Variants in ACACB observed in about 807,000 individuals in gnomAD.
ACACB encodes the protein acetyl-CoA carboxylase beta.
ACACB carries 209 observed loss-of-function variants against 278.8 expected under a neutral mutation model. The observed-to-expected ratio is 0.75, with a 90% CI of 0.67 to 0.84. The LOEUF (loss-of-function observed/expected upper bound fraction) is 0.84. Ranked by LOEUF, ACACB falls within the 40% of genes least tolerant of loss-of-function variation. The pLI, the probability that ACACB is intolerant of heterozygous loss-of-function variation, is 0.00. For synonymous variants in ACACB, 1,174 were observed against 1,285.6 expected (o/e 0.91, Z 1.86); for missense variants, 2,850 against 3,269.0 (o/e 0.87, Z 3.13).
In ACACB at chr12:109,156,659, T is replaced by G. The variant is rs570370490; in HGVS notation, c.654-10202T>G. ...AGGAATACCCCTGTAGCTGAATCTC[T>G]GCCTCCATCCTTTATTTTCTTAGGA... On this transcript the variant is annotated intron_variant, in intron 2 of 52. Coordinates refer to ENST00000338432, the MANE Select transcript of ACACB (RefSeq NM_001093.4). Among the ~76,000 whole-genome samples, 32 of 151,360 alleles carry G rather than the reference T, an allele frequency of 2.1e-4. 1 individual carries two copies. The South Asian group carries it at 6.7e-3, about 32-fold the overall frequency.
chr12:109,256,839 T>C (rs1565979303), intron 45 of ACACB, among the ~76,000 whole-genome samples: 1 of 152,318 alleles, frequency 6.6e-6, no homozygotes, highest in East Asian at 1.9e-4. Flanking sequence ...GTCCTTCACA[T>C]CTGTAAAATA....
chr12:109,194,692 G>A (rs2136299748), intron 16 of ACACB, among the ~76,000 whole-genome samples: 1 of 151,190 alleles, frequency 6.6e-6, no homozygotes, highest in Middle Eastern at 3.4e-3. Context: ...CTCTTCTCTT[G>A]TAAGAACACC....
intron 47 of ACACB, 97 bp from the exon 48 acceptor site, chr12:109,260,383 G>C: frequency 6.8e-7 from 1 of 1,463,762 alleles, no homozygotes; most frequent in Non-Finnish European, 9.5e-7. Flanking sequence ...CCTCTCAGCT[G>C]GGCTCACTCT....
intron 1 of ACACB, among the ~76,000 whole-genome samples, chr12:109,118,056 A>G (rs1222291592): frequency 6.6e-6 from 1 of 152,110 alleles, no homozygotes; most frequent in African/African-American, 2.4e-5. Context: ...GGCCAAAGAT[A>G]TCATTTTATA....
At chr12:109,217,640 A>C (rs1214535924) in intron 24 of ACACB, among the ~76,000 whole-genome samples, 1 of 152,044 alleles carries the variant, frequency 6.6e-6, no homozygotes, top group Non-Finnish European at 1.5e-5. Context: ...TCTCTACAAA[A>C]AGTACAAAAA....
At chr12:109,181,513 C>T (rs2136229393) in intron 11 of ACACB, among the ~76,000 whole-genome samples, 1 of 152,262 alleles carries the variant, frequency 6.6e-6, no homozygotes, top group South Asian at 2.1e-4. Context: ...CAGGCATGAG[C>T]CACTGCACCT....
chr12:109,256,318 A>C (rs1319837671), intron 45 of ACACB, 82 bp downstream of exon 45: 1 of 1,082,868 alleles, frequency 9.2e-7, no homozygotes. Flanking sequence ...AGGGACCTCC[A>C]GGGGCAATTT....
At chr12:109,242,295 G>C (rs2300451) in intron 36 of ACACB, 142 bp from the exon 37 acceptor site, 5 of 884,500 alleles carry the variant, frequency 5.7e-6, no homozygotes, top group Non-Finnish European at 6.9e-6. Context: ...GGAGTTTTAC[G>C]TAGCCCAGGC....
At position 109,262,413 on chromosome 12, in the gene ACACB, T is replaced by G; in HGVS notation, c.6731T>G (p.Leu2244Arg). 1.2e-6 allele frequency: 2 copies of G among 1,613,850 alleles called. No homozygotes were observed. The highest frequency in any genetic ancestry group is 1.7e-6 in the Non-Finnish European group (2 of 1,179,920). Residue 2244 changes from leucine to arginine, a missense_variant, in exon 49 of 53, where the codon CTG (leucine) becomes CGG (arginine). Coordinates refer to ENST00000338432, the MANE Select transcript of ACACB (RefSeq NM_001093.4). ...GAGATTAAGTTCCGAAAGAAAGATC[T>G]GATAAAGTCCATGAGAAGGATCGAT... ...TVEIKFRKKD[L>R]IKSMRRIDPA...
Position 109,176,014 on chromosome 12 carries a change from G to C in ACACB, c.1300G>C (p.Val434Leu), listed in dbSNP as rs751113525. The C allele has an allele frequency of 9.9e-6, 16 of 1,614,102 alleles. No individual in the cohort carries two copies. Among genetic ancestry groups the C allele is most frequent in the Admixed American group, 5.0e-5 (3 of 59,998 alleles). The change falls in exon 8 of 53, where the codon GTG (valine) becomes CTG (leucine). Residue 434 changes from valine (V) to leucine (L), a missense_variant. Physicochemically the swap from Val to Leu is conservative, Grantham distance 32 (BLOSUM62 1). Around this residue, in one of 3 missense-constraint regions of ACACB, gnomAD observed 2,265 missense variants for 2,561.3 expected, o/e 0.88. Coordinates refer to ENST00000338432, the MANE Select transcript of ACACB (RefSeq NM_001093.4). ...VPEDVYDKGCVKDVDEGLEAA... is the reference protein window; with the variant it reads ...VPEDVYDKGCLKDVDEGLEAA... Reference sequence around the variant, plus strand: ...AGAAGATGTTTATGACAAGGGTTGCGTGAAAGACGTAGATGAGGGCTTGGA... The same window carrying C: ...AGAAGATGTTTATGACAAGGGTTGCCTGAAAGACGTAGATGAGGGCTTGGA...
chr12:109,152,942 C>G (rs372045007), intron 2 of ACACB, among the ~76,000 whole-genome samples: 1 of 151,728 alleles, frequency 6.6e-6, no homozygotes, highest in Non-Finnish European at 1.5e-5. Context: ...CTGCACGTGG[C>G]CTTCCTGTGA....
intron 3 of ACACB, 129 bp downstream of exon 3, chr12:109,167,122 T>C (rs920559412): frequency 6.7e-6 from 8 of 1,191,022 alleles, no homozygotes; most frequent in Non-Finnish European, 7.1e-6. Flanking sequence ...AGGGCCACGC[T>C]CCTCTGAGTT....
Position 109,227,555 on chromosome 12 carries a change from C to CT in ACACB, c.4001+67dup. ...TTCTTCCTGACCTCTGTCGTCCTGT[C>CT]TCTGGAAGGACCTGGCAAGTGTGTT... On this transcript the variant is annotated intron_variant, in intron 28 of 52. Coordinates refer to ENST00000338432, the MANE Select transcript of ACACB (RefSeq NM_001093.4). The CT allele has an allele frequency of 1.3e-5, 20 of 1,491,654 alleles. No homozygotes were observed. The South Asian group carries it at 2.0e-4, about 15-fold the overall frequency. 92.4% of individuals were successfully genotyped at this position (1,491,654 alleles called of 1,614,324 possible).
At chr12:109,122,781 T>C (rs2042581379) in intron 1 of ACACB, among the ~76,000 whole-genome samples, 1 of 151,982 alleles carries the variant, frequency 6.6e-6, no homozygotes, top group African/African-American at 2.4e-5. Context: ...AGCACAGTGG[T>C]CCCCCAATGC....
At chr12:109,264,087 T>A in intron 49 of ACACB, 145 bp from the exon 50 acceptor site, 2 of 965,572 alleles carry the variant, frequency 2.1e-6, no homozygotes, top group Non-Finnish European at 3.1e-6. Flanking sequence ...AGGGGTAATA[T>A]CAGAGTTAAA....
At chr12:109,231,812 G>T (rs1249616776) in intron 28 of ACACB, among the ~76,000 whole-genome samples, 1 of 152,192 alleles carries the variant, frequency 6.6e-6, no homozygotes, top group Non-Finnish European at 1.5e-5. Context: ...CAAGTGAAGG[G>T]TTGTCTTCCA....
intron 1 of ACACB, among the ~76,000 whole-genome samples, chr12:109,124,420 G>T (rs1392334089): frequency 6.6e-6 from 1 of 152,206 alleles, no homozygotes; most frequent in African/African-American, 2.4e-5. Flanking sequence ...CAATTCAGGT[G>T]CAGATCCTTA....
At chr12:109,115,749 G>A (rs1405296207), upstream of ACACB, among the ~76,000 whole-genome samples, 4 of 152,378 alleles carry the variant, frequency 2.6e-5, no homozygotes, top group South Asian at 2.1e-4. Context: ...CAAAGTAGCT[G>A]TGAACAGGCT....
intron 35 of ACACB, among the ~76,000 whole-genome samples, chr12:109,240,528 GATT>G (rs980774985): frequency 2.7e-5 from 4 of 148,196 alleles, no homozygotes; most frequent in African/African-American, 7.4e-5. Context: ...AAAATATTAA[GATT>G]ATTAATCAAA....
Sources: allele counts gnomAD v4.1 joint callset (sites outside exome capture counted in the v4.1 genomes callset), GRCh38; gene constraint gnomAD v4.1.1; regional missense constraint gnomAD v4.1.1; transcripts MANE v1.5; gene names NCBI Gene and HGNC (gene_info 2026-07-23, HGNC 2026-07-21).